Variants in BBOX1 observed in about 807,000 individuals in gnomAD.
BBOX1 encodes the protein gamma-butyrobetaine dioxygenase.
In BBOX1, 35 loss-of-function variants were observed where a neutral mutation model predicts 41.6. That is an observed-to-expected ratio of 0.84 (90% confidence interval 0.64 to 1.11). The LOEUF (loss-of-function observed/expected upper bound fraction) is 1.11, where lower values mean the gene tolerates loss of function less well. BBOX1 is among the 50% of genes most tolerant of loss of function. The probability of loss-of-function intolerance (pLI) is 0.00; values close to 1 mark genes in which losing one functional copy is unlikely to be tolerated. For missense variants in BBOX1, 458 were observed against 460.6 expected (o/e 0.99, Z 0.05); for synonymous variants, 163 against 154.7 (o/e 1.05, Z -0.40).
At chr11:27,067,223 CT>C (rs1415911349) in intron 4 of BBOX1, among the ~76,000 whole-genome samples, 2 of 151,986 alleles carry the variant, frequency 1.3e-5, no homozygotes, top group Admixed American at 6.6e-5. Context: ...AGGTTTATTT[CT>C]TTTTTTAATT....
At chr11:27,101,075 C>T (rs1858631689) in intron 5 of BBOX1, among the ~76,000 whole-genome samples, 1 of 152,074 alleles carries the variant, frequency 6.6e-6, no homozygotes, top group African/African-American at 2.4e-5. Flanking sequence ...AAGAATCAGG[C>T]TACAAACCCA....
At chr11:27,059,201 G>T (rs150564783) in intron 4 of BBOX1, among the ~76,000 whole-genome samples, 1,840 of 152,318 alleles carry the variant, frequency 0.012, 18 homozygotes, top group Non-Finnish European at 0.019. Flanking sequence ...CCCAGGTACA[G>T]GTTGGGCCAT....
intron 2 of BBOX1, among the ~76,000 whole-genome samples, chr11:27,048,344 T>G (rs11029801): frequency 0.53 from 79,891 of 151,834 alleles, 21,371 homozygotes; most frequent in African/African-American, 0.63. Context: ...GTATAAGTGA[T>G]ATCATATTGC....
At chr11:27,074,632 G>A (rs1272202197) in intron 4 of BBOX1, among the ~76,000 whole-genome samples, 1 of 152,150 alleles carries the variant, frequency 6.6e-6, no homozygotes, top group Non-Finnish European at 1.5e-5. Flanking sequence ...TAGGGTATCT[G>A]GCAGAAGAAA....
chr11:27,055,642 GA>G lies in BBOX1; in HGVS notation c.218del (p.Lys73ArgfsTer19), dbSNP rs1157195022. On this transcript the variant is annotated frameshift_variant, in exon 3 of 9. Transcript: ENST00000263182. LOFTEE classifies it high-confidence loss of function. ...NIGIKGLIFD[R>X]KKVYITWPDE... ...GGAATTAAAGGCTTGATATTTGACAGAAAAAAGGTAATTATCTCTAAATTAT... is the reference window on the plus strand; with the variant it reads ...GGAATTAAAGGCTTGATATTTGACAGAAAAAGGTAATTATCTCTAAATTAT... 4 of 1,607,282 alleles carry G rather than the reference GA, an allele frequency of 2.5e-6. No individual in the cohort carries two copies. The highest frequency in any genetic ancestry group is 3.4e-6 in the Non-Finnish European group (4 of 1,176,168).
intron 2 of BBOX1, among the ~76,000 whole-genome samples, chr11:27,051,760 A>G (rs1851677200): frequency 6.6e-6 from 1 of 151,770 alleles, no homozygotes; most frequent in Non-Finnish European, 1.5e-5. Context: ...GTTTTAGTTT[A>G]ATTTTTTTCT....
At chr11:27,094,633 C>T (rs527953319) in intron 5 of BBOX1, among the ~76,000 whole-genome samples, 5 of 152,054 alleles carry the variant, frequency 3.3e-5, no homozygotes, top group African/African-American at 1.2e-4. Context: ...CCACGCTCTC[C>T]AGACCTGCAA....
rs911264921 is a variant in BBOX1 at position 27,081,864 on chromosome 11, G to T, written c.335-11304G>T. Among the ~76,000 whole-genome samples the T allele has an allele frequency of 3.3e-5, 5 of 152,282 alleles. No homozygotes were observed. The South Asian group carries it at 1.0e-3, about 32-fold the overall frequency. ...CTGCATACATGTCTTCCTTTGAGAA[G>T]TGTCTGTTCATATCCTTTGCCCACT... On this transcript the variant is annotated intron_variant, in intron 4 of 8. Transcript: ENST00000263182.
chr11:27,101,329 T>C (rs774449310), intron 5 of BBOX1, among the ~76,000 whole-genome samples: 1 of 152,130 alleles, frequency 6.6e-6, no homozygotes, highest in Non-Finnish European at 1.5e-5. Context: ...AAAGGGAAAA[T>C]GGCAATTAAT....
intron 2 of BBOX1, among the ~76,000 whole-genome samples, chr11:27,048,766 T>TA (rs57115106): frequency 2.6e-4 from 39 of 150,638 alleles, no homozygotes; most frequent in African/African-American, 9.5e-4. Context: ...TTTTTTTTTT[T>TA]ATACTTTAAG....
At chr11:27,070,656 T>C (rs1190390633) in intron 4 of BBOX1, among the ~76,000 whole-genome samples, 1 of 151,930 alleles carries the variant, frequency 6.6e-6, no homozygotes, top group Non-Finnish European at 1.5e-5. Flanking sequence ...TATGAATCCT[T>C]ATGTGTTAGG....
chr11:27,111,440 G>A (rs940080922), intron 5 of BBOX1, among the ~76,000 whole-genome samples: 1 of 151,864 alleles, frequency 6.6e-6, no homozygotes, highest in Non-Finnish European at 1.5e-5. Flanking sequence ...CCAAACCTCA[G>A]GATCATGCAA....
intron 4 of BBOX1, among the ~76,000 whole-genome samples, chr11:27,073,564 A>G (rs1244484468): frequency 2.4e-4 from 36 of 149,552 alleles, no homozygotes; most frequent in Admixed American, 4.6e-4. Context: ...ATTACTGGGT[A>G]TATACCCAAA....
intron 5 of BBOX1, among the ~76,000 whole-genome samples, chr11:27,102,153 T>C (rs1858685413): frequency 6.6e-6 from 1 of 152,092 alleles, no homozygotes; most frequent in Admixed American, 6.6e-5. Flanking sequence ...AAAAGGATAT[T>C]GAACAGCTAA....
intron 4 of BBOX1, among the ~76,000 whole-genome samples, chr11:27,064,812 G>A (rs1857231666): frequency 3.3e-5 from 5 of 152,048 alleles, no homozygotes; most frequent in Admixed American, 3.3e-4. Flanking sequence ...CCATCCTCCT[G>A]TGGGCTAAAT....
At chr11:27,125,527 C>T in intron 7 of BBOX1, 127 bp from the exon 8 acceptor site, 1 of 772,638 alleles carries the variant, frequency 1.3e-6, no homozygotes, top group Non-Finnish European at 1.9e-6. Context: ...GCCTTAATAT[C>T]TTCTGTACAT....
chr11:27,083,106 G>T (rs1020268982), intron 4 of BBOX1, among the ~76,000 whole-genome samples: 6 of 152,078 alleles, frequency 3.9e-5, no homozygotes, highest in African/African-American at 1.4e-4. Context: ...ACCACCTAAA[G>T]ATTTTATGTA....
chr11:27,054,491 T>A (rs938519914), intron 2 of BBOX1, among the ~76,000 whole-genome samples: 26 of 152,170 alleles, frequency 1.7e-4, no homozygotes, highest in African/African-American at 6.3e-4. Flanking sequence ...GAAGGTCAAA[T>A]ATATAGTCAC....
chr11:27,109,313 T>C (rs1232829822), intron 5 of BBOX1, among the ~76,000 whole-genome samples: 1 of 152,090 alleles, frequency 6.6e-6, no homozygotes, highest in Non-Finnish European at 1.5e-5. Context: ...ACCTTTCTTA[T>C]TTGTTACAAG....
Sources: allele counts gnomAD v4.1 joint callset (sites outside exome capture counted in the v4.1 genomes callset), GRCh38; gene constraint gnomAD v4.1.1; transcripts MANE v1.5; gene names NCBI Gene and HGNC (gene_info 2026-07-23, HGNC 2026-07-21).